The following GTF3A variants were observed in gnomAD, a reference collection of about 807,000 sequenced individuals.
GTF3A encodes the protein general transcription factor IIIA, also known as transcription factor IIIA.
Under a neutral mutation model 37.6 loss-of-function variants are expected in GTF3A, and 40 were observed. The ratio of observed to expected loss-of-function variants is 1.06; its 90% CI spans 0.83 to 1.38. The LOEUF is 1.38. Among genes scored for constraint, GTF3A ranks in the 40% most tolerant of loss-of-function variants. GTF3A has a pLI of 0.00. For synonymous variants in GTF3A, 191 were observed against 166.7 expected (o/e 1.15, Z -1.12); for missense variants, 500 against 462.6 (o/e 1.08, Z -0.74).
Position 27,434,198 on chromosome 13 carries a change from C to A in GTF3A, c.622C>A (p.His208Asn). 2 of 1,336,712 alleles carry A rather than the reference C, an allele frequency of 1.5e-6. No individual in the cohort carries two copies. The highest frequency in any genetic ancestry group is 2.2e-6 in the Non-Finnish European group (2 of 926,716). 82.8% of individuals were successfully genotyped at this position (1,336,712 alleles called of 1,614,324 possible). The change falls in exon 6 of 9, where the codon CAT (histidine) becomes AAT (asparagine). Residue 208 changes from histidine (H) to asparagine (N), a missense_variant. His to Asn is a moderately conservative substitution (Grantham distance 68, BLOSUM62 1). Transcript: ENST00000381140. ...AAAAACATGGACGGAACTTCTGAAACATGTGAGAGAAACCCATAAAGGTAA... is the reference window on the plus strand; with the variant it reads ...AAAAACATGGACGGAACTTCTGAAAAATGTGAGAGAAACCCATAAAGGTAA...
intron 1 of GTF3A, among the ~76,000 whole-genome samples, chr13:27,426,549 G>A (rs578118434): frequency 6.6e-6 from 1 of 152,200 alleles, no homozygotes; most frequent in Non-Finnish European, 1.5e-5. Context: ...TACAAAAGGT[G>A]GTTGCATTTA....
At chr13:27,426,481 T>C (rs1941616873) in intron 1 of GTF3A, 1 of 152,176 alleles carries the variant, frequency 6.6e-6, no homozygotes, top group Non-Finnish European at 1.5e-5. Context: ...TTATTTGGGG[T>C]GTGTGTTTGG....
At chr13:27,431,333 G>A (rs1317218489) in intron 4 of GTF3A, among the ~76,000 whole-genome samples, 1 of 152,156 alleles carries the variant, frequency 6.6e-6, no homozygotes, top group Non-Finnish European at 1.5e-5. Flanking sequence ...AAAGACACAT[G>A]CACACACGTT....
intron 7 of GTF3A, 38 bp from the exon 8 acceptor site, chr13:27,435,084 CATGGTTTTCAT>C: frequency 6.4e-7 from 1 of 1,556,784 alleles, no homozygotes; most frequent in Non-Finnish European, 8.9e-7. Flanking sequence ...GCTTTCACAA[CATGGTTTTCAT>C]ATTAATATTT....
Position 27,424,685 on chromosome 13 carries a change from G to T in GTF3A, c.-53G>T. The T allele has an allele frequency of 7.9e-7, 1 of 1,259,924 alleles. No homozygotes were observed. The allele number at this position is 1,259,924 out of a possible 1,614,324, so 78.0% of individuals were successfully genotyped here. On this transcript the variant is annotated 5_prime_UTR_variant, in exon 1 of 9. Transcript: ENST00000381140. ...GGCCGGGCGCGCCGGTTCCCGGCAC[G>T]TGTCTCGGCACGTGGCAGCGCGCCT...
In GTF3A at chr13:27,435,134, A is replaced by G; in HGVS notation, c.875A>G (p.Gln292Arg). ...TAATAACTTTCTCTTTCATTGTAGCAAAGTCTCACTAGGCATGCTGTTGTA... is the reference window on the plus strand; with the variant it reads ...TAATAACTTTCTCTTTCATTGTAGCGAAGTCTCACTAGGCATGCTGTTGTA... The change falls in exon 8 of 9, where the codon CAA (glutamine) becomes CGA (arginine). Residue 292 changes from glutamine (Q) to arginine (R), a missense_variant and splice_region_variant. Transcript: ENST00000381140. 1 of 1,609,438 alleles carries G rather than the reference A, an allele frequency of 6.2e-7. No individual in the cohort carries two copies. Among genetic ancestry groups the G allele is most frequent in the Non-Finnish European group, 8.5e-7 (1 of 1,177,094 alleles).
chr13:27,432,635 G>C, intron 4 of GTF3A, 96 bp from the exon 5 acceptor site: 1 of 1,000,734 alleles, frequency 1.0e-6, no homozygotes, highest in Non-Finnish European at 1.5e-6. Context: ...GAAGAGGCAA[G>C]ACTTTGGTGG....
chr13:27,435,749 G>C lies in GTF3A; in HGVS notation c.*152G>C. 6.2e-7 allele frequency: 1 copy of C among 1,614,024 alleles called. No homozygotes were observed. The highest frequency in any genetic ancestry group is 8.5e-7 in the Non-Finnish European group (1 of 1,179,974). On this transcript the variant is annotated 3_prime_UTR_variant, in exon 9 of 9. Coordinates refer to ENST00000381140, the MANE Select transcript of GTF3A (RefSeq NM_002097.3). ...AAAGTGTCTCTTTCCTGGGTCTCTTGAGTTTCTTTATATGCCTTCTCCTCA... is the reference window on the plus strand; with the variant it reads ...AAAGTGTCTCTTTCCTGGGTCTCTTCAGTTTCTTTATATGCCTTCTCCTCA...
chr13:27,434,119 T>G lies in GTF3A; in HGVS notation c.563-20T>G, dbSNP rs1376989979. 1.1e-6 allele frequency: 1 copy of G among 937,944 alleles called. No homozygotes were observed. The highest frequency in any genetic ancestry group is 2.4e-5 in the East Asian group (1 of 41,930). 58.1% of individuals were successfully genotyped at this position (937,944 alleles called of 1,614,324 possible). A position where few individuals can be genotyped will look rare whatever the true frequency, so the allele number is the denominator to read the frequency against. On this transcript the variant is annotated intron_variant, in intron 5 of 8. Coordinates refer to ENST00000381140, the MANE Select transcript of GTF3A (RefSeq NM_002097.3). ...TACACTGAGTATTCATGACAGACAA[T>G]GCACCAATTTTTTTAATAGGCTATG...
At chr13:27,429,314 A>AAAAAT (rs1953637114) in intron 2 of GTF3A, 2 of 151,576 alleles carry the variant, frequency 1.3e-5, no homozygotes, top group Non-Finnish European at 2.9e-5. Flanking sequence ...AAAAAAAAAA[A>AAAAAT]AAAGGAAAAG....
At chr13:27,432,027 A>G (rs1343983825) in intron 4 of GTF3A, among the ~76,000 whole-genome samples, 1 of 152,244 alleles carries the variant, frequency 6.6e-6, no homozygotes, top group Non-Finnish European at 1.5e-5. Context: ...TTATGGAGAC[A>G]CTCATTATGC....
Position 27,435,492 on chromosome 13 carries a change from C to T in GTF3A, c.993C>T (p.Pro331=). The change falls in exon 9 of 9, where the codon CCC becomes CCT. Residue 331 remains proline, a synonymous_variant. Coordinates refer to ENST00000381140, the MANE Select transcript of GTF3A (RefSeq NM_002097.3). Reference sequence around the variant, plus strand: ...CTCATCTCAGTGGATATATCCCTCCCAAAAGGAAACAAGGGCAAGGCTTAT... The same window carrying T: ...CTCATCTCAGTGGATATATCCCTCCTAAAAGGAAACAAGGGCAAGGCTTAT... 1 of 1,613,172 alleles carries T rather than the reference C, an allele frequency of 6.2e-7. No individual in the cohort carries two copies. The highest frequency in any genetic ancestry group is 1.3e-5 in the African/African-American group (1 of 75,008).
intron 2 of GTF3A, among the ~76,000 whole-genome samples, chr13:27,428,747 G>A (rs191688280): frequency 6.6e-6 from 1 of 152,288 alleles, no homozygotes; most frequent in Admixed American, 6.5e-5. Flanking sequence ...AACAAGATGG[G>A]CTCTTTGTCT....
rs752372519 is a variant in GTF3A at position 27,435,651 on chromosome 13, A to T, written c.*54A>T. ...CAGACCAAGGAGCGAGCTTTCTCTC[A>T]GAGCATGCTTTTCTTTATTAAAATT... On this transcript the variant is annotated 3_prime_UTR_variant, in exon 9 of 9. Transcript: ENST00000381140. The T allele has an allele frequency of 6.2e-7, 1 of 1,612,480 alleles. No homozygotes were observed. The highest frequency in any genetic ancestry group is 8.5e-7 in the Non-Finnish European group (1 of 1,178,752).
At chr13:27,426,529 A>C (rs1746070) in intron 1 of GTF3A, among the ~76,000 whole-genome samples, 66,386 of 151,708 alleles carry the variant, frequency 0.44, 15,801 homozygotes, top group South Asian at 0.66. Flanking sequence ...CCCCCTCCCA[A>C]CTCCTGGGTT....
chr13:27,425,144 A>C (rs1313890840), intron 1 of GTF3A: 1 of 524,402 alleles, frequency 1.9e-6, no homozygotes, highest in East Asian at 3.4e-5. Context: ...GGGGCTCGGG[A>C]TTTACTAAGC....
rs997857276 is a variant in GTF3A, at chr13:27,432,812, C to T, written c.562+8C>T. 2.0e-5 allele frequency: 32 copies of T among 1,593,932 alleles called. No homozygotes were observed. The highest frequency in any genetic ancestry group is 2.7e-5 in the Non-Finnish European group (32 of 1,169,364). ...ATGCCAAGGCCCACGAGGGTGTGTA[C>T]GGATAGCCTGGGTGTGCTCCGAGGG... On this transcript the variant is annotated splice_region_variant and intron_variant, in intron 5 of 8. Transcript: ENST00000381140.
chr13:27,432,903 G>C, intron 5 of GTF3A, 99 bp downstream of exon 5: 1 of 949,888 alleles, frequency 1.1e-6, no homozygotes. Context: ...GGAACCCTGT[G>C]AACAGGGGAC....
At chr13:27,429,742 G>T (rs1291824627) in intron 2 of GTF3A, 128 bp from the exon 3 acceptor site, 2 of 540,112 alleles carry the variant, frequency 3.7e-6, no homozygotes, top group Non-Finnish European at 6.6e-6. Context: ...TCTGGAATTC[G>T]CTAAGACTAT....
Sources: allele counts gnomAD v4.1 joint callset (sites outside exome capture counted in the v4.1 genomes callset), GRCh38; gene constraint gnomAD v4.1.1; transcripts MANE v1.5; gene names NCBI Gene and HGNC (gene_info 2026-07-23, HGNC 2026-07-21).